Variants in EHBP1 observed in about 807,000 individuals in gnomAD.
The protein encoded by EHBP1 is EH domain-binding protein 1.
EHBP1 carries 55 observed loss-of-function variants against 144.0 expected under a neutral mutation model. The ratio of observed to expected loss-of-function variants is 0.38; its 90% confidence interval spans 0.31 to 0.48. The LOEUF is 0.48. Among genes scored for constraint, EHBP1 ranks in the 20% least tolerant of loss-of-function variants. EHBP1 has a pLI of 0.98. For missense variants in EHBP1, 1,200 were observed against 1,364.2 expected (o/e 0.88, Z 1.90); for synonymous variants, 469 against 472.7 (o/e 0.99, Z 0.10).
intron 18 of EHBP1, 75 bp downstream of exon 18, chr2:62,994,052 T>G: frequency 9.6e-7 from 1 of 1,041,390 alleles, no homozygotes; most frequent in Non-Finnish European, 1.4e-6. Context: ...CCTTTATTTG[T>G]TAAAATGAGA....
chr2:62,952,919 AT>A (rs2057464953), intron 13 of EHBP1, among the ~76,000 whole-genome samples: 1 of 152,096 alleles, frequency 6.6e-6, no homozygotes, highest in Non-Finnish European at 1.5e-5. Flanking sequence ...TAAGGAAATA[AT>A]TAGAATTGTA....
At chr2:62,889,835 T>C (rs569757067) in intron 10 of EHBP1, among the ~76,000 whole-genome samples, 1 of 152,258 alleles carries the variant, frequency 6.6e-6, no homozygotes, top group South Asian at 2.1e-4. Flanking sequence ...AGTACCATGC[T>C]GTTTTGGTTA....
chr2:63,022,668 A>G (rs2060806791), intron 19 of EHBP1, among the ~76,000 whole-genome samples: 2 of 151,852 alleles, frequency 1.3e-5, no homozygotes, highest in South Asian at 4.2e-4. Flanking sequence ...TCTTTTAGTT[A>G]CTCATTATGT....
chr2:63,004,887 C>A (rs1278529370), intron 19 of EHBP1, among the ~76,000 whole-genome samples: 1 of 152,096 alleles, frequency 6.6e-6, no homozygotes, highest in Non-Finnish European at 1.5e-5. Context: ...CACCCCCTTA[C>A]CCACATTCTG....
chr2:62,927,396 A>C (rs180915416), intron 10 of EHBP1, among the ~76,000 whole-genome samples: 78 of 152,304 alleles, frequency 5.1e-4, no homozygotes, highest in African/African-American at 1.8e-3. Flanking sequence ...AATGTTTGAG[A>C]TGATGGATAT....
chr2:62,986,012 T>C (rs937843043), intron 15 of EHBP1, among the ~76,000 whole-genome samples: 8 of 152,162 alleles, frequency 5.3e-5, no homozygotes, highest in Non-Finnish European at 7.3e-5. Flanking sequence ...AATGAAAGAA[T>C]ATTGAATTCT....
chr2:62,950,466 T>G (rs1158866799), intron 13 of EHBP1, among the ~76,000 whole-genome samples: 1 of 152,192 alleles, frequency 6.6e-6, no homozygotes, highest in Non-Finnish European at 1.5e-5. Flanking sequence ...ATTTTTGTTT[T>G]TAAAGTAATT....
intron 5 of EHBP1, among the ~76,000 whole-genome samples, chr2:62,778,868 G>GT (rs11430153): frequency 0.36 from 54,968 of 150,868 alleles, 10,075 homozygotes; most frequent in Middle Eastern, 0.55. Context: ...TCCTTTAGTT[G>GT]TTTTTTTTTC....
chr2:62,779,711 G>A (rs2042297070), intron 5 of EHBP1, among the ~76,000 whole-genome samples: 1 of 152,140 alleles, frequency 6.6e-6, no homozygotes, highest in South Asian at 2.1e-4. Flanking sequence ...TGAAAGCAAT[G>A]TATAGAGGAC....
chr2:62,698,853 C>T (rs891374091), intron 1 of EHBP1, among the ~76,000 whole-genome samples: 6 of 152,208 alleles, frequency 3.9e-5, no homozygotes, highest in Non-Finnish European at 8.8e-5. Context: ...TGAGTTAATC[C>T]TGCCCTTTGA....
intron 10 of EHBP1, among the ~76,000 whole-genome samples, chr2:62,942,430 C>A (rs1312781000): frequency 1.3e-5 from 2 of 152,132 alleles, no homozygotes; most frequent in African/African-American, 4.8e-5. Flanking sequence ...TTAAGTATTT[C>A]AAAACTTTAA....
chr2:62,779,914 T>G (rs1263841315), intron 5 of EHBP1, among the ~76,000 whole-genome samples: 1 of 152,172 alleles, frequency 6.6e-6, no homozygotes, highest in African/African-American at 2.4e-5. Context: ...TTTTCAAACT[T>G]ATTTCATCAA....
chr2:62,891,196 A>G (rs1300321457), intron 10 of EHBP1, among the ~76,000 whole-genome samples: 5 of 151,926 alleles, frequency 3.3e-5, no homozygotes, highest in African/African-American at 9.7e-5. Flanking sequence ...TAAAATTAAT[A>G]TATATTTCAA....
chr2:62,818,835 A>G (rs762600472), intron 5 of EHBP1, among the ~76,000 whole-genome samples: 1 of 152,250 alleles, frequency 6.6e-6, no homozygotes, highest in Non-Finnish European at 1.5e-5. Context: ...ATTGGTAATG[A>G]AAAATGTACA....
intron 14 of EHBP1, among the ~76,000 whole-genome samples, chr2:62,975,663 G>A (rs2058675846): frequency 6.7e-6 from 1 of 149,710 alleles, no homozygotes; most frequent in African/African-American, 2.4e-5. Flanking sequence ...GTGGGAGGAT[G>A]ACTTGAGCCT....
chr2:62,812,530 T>G (rs2045099691), intron 5 of EHBP1, among the ~76,000 whole-genome samples: 1 of 152,100 alleles, frequency 6.6e-6, no homozygotes, highest in African/African-American at 2.4e-5. Flanking sequence ...TTATTTCAGC[T>G]GTGATTAGGA....
chr2:62,952,568 T>C (rs1305006499), intron 13 of EHBP1, among the ~76,000 whole-genome samples: 1 of 152,206 alleles, frequency 6.6e-6, no homozygotes, highest in Non-Finnish European at 1.5e-5. Flanking sequence ...GGGTGCCTAA[T>C]ACATGTGATG....
intron 5 of EHBP1, among the ~76,000 whole-genome samples, chr2:62,786,928 A>G (rs1011458009): frequency 1.3e-5 from 2 of 152,212 alleles, no homozygotes; most frequent in South Asian, 2.1e-4. Flanking sequence ...CCTGTTGAGT[A>G]GACTGCTGAA....
intron 2 of EHBP1, among the ~76,000 whole-genome samples, chr2:62,723,110 A>T (rs939322800): frequency 2.6e-5 from 4 of 152,116 alleles, no homozygotes; most frequent in Non-Finnish European, 5.9e-5. Context: ...GAGGTGTTGA[A>T]GTCTTCCACA....
Sources: allele counts gnomAD v4.1 joint callset (sites outside exome capture counted in the v4.1 genomes callset), GRCh38; gene constraint gnomAD v4.1.1; transcripts MANE v1.5; gene names NCBI Gene and HGNC (gene_info 2026-07-23, HGNC 2026-07-21).